The following ADCY5 variants were observed in gnomAD, a reference collection of about 807,000 sequenced individuals.
The protein encoded by ADCY5 is adenylate cyclase 5.
In ADCY5, 30 loss-of-function variants were observed where a neutral mutation model predicts 119.7. That is an observed-to-expected ratio of 0.25 (90% CI 0.19 to 0.34). ADCY5 has a LOEUF of 0.34. Ranked by LOEUF, ADCY5 falls within the 10% of genes least tolerant of loss-of-function variation. ADCY5 has a pLI of 1.00. For synonymous variants in ADCY5, 753 were observed against 762.2 expected (o/e 0.99, Z 0.20); for missense variants, 1,324 against 1,775.2 (o/e 0.75, Z 4.57).
At chr3:123,395,314 C>T (rs1189738021) in intron 1 of ADCY5, among the ~76,000 whole-genome samples, 1 of 152,192 alleles carries the variant, frequency 6.6e-6, no homozygotes, top group East Asian at 1.9e-4. Flanking sequence ...TACCTCCTCT[C>T]CCCTAAACAT....
intron 1 of ADCY5, among the ~76,000 whole-genome samples, chr3:123,432,801 A>T (rs1489363442): frequency 2.0e-5 from 3 of 152,192 alleles, no homozygotes; most frequent in Non-Finnish European, 4.4e-5. Context: ...TGCTGGGATT[A>T]TAGGTGTGAG....
chr3:123,297,318 C>T lies in ADCY5; in HGVS notation c.2930+35G>A, dbSNP rs200119508. ...CTCCCTGTCTGCTCTGTGCTGAGGGCAGGGAGCGACCCTATCCGAGGAGCA... is the reference window on the plus strand; with the variant it reads ...CTCCCTGTCTGCTCTGTGCTGAGGGTAGGGAGCGACCCTATCCGAGGAGCA... On this transcript the variant is annotated intron_variant, in intron 16 of 20. Transcript: ENST00000462833. The T allele has an allele frequency of 2.2e-4, 352 of 1,611,456 alleles. 1 individual carries two copies. The African/African-American group carries it at 4.3e-3, about 20-fold the overall frequency.
chr3:123,388,825 T>C (rs1944314276), intron 1 of ADCY5, among the ~76,000 whole-genome samples: 1 of 152,148 alleles, frequency 6.6e-6, no homozygotes, highest in South Asian at 2.1e-4. Flanking sequence ...ATGAGGGTCC[T>C]CTGTGAGATT....
chr3:123,363,546 G>A (rs567444479), intron 1 of ADCY5, among the ~76,000 whole-genome samples: 6 of 152,316 alleles, frequency 3.9e-5, no homozygotes, highest in East Asian at 1.9e-4. Flanking sequence ...CTTTATGTCC[G>A]AGGATGATTA....
At chr3:123,401,611 T>G (rs1311396143) in intron 1 of ADCY5, among the ~76,000 whole-genome samples, 1 of 152,056 alleles carries the variant, frequency 6.6e-6, no homozygotes, top group Non-Finnish European at 1.5e-5. Context: ...TTGGAACAAG[T>G]GGTGGAAAGG....
chr3:123,348,285 G>A (rs138511292), intron 2 of ADCY5, among the ~76,000 whole-genome samples: 52 of 152,156 alleles, frequency 3.4e-4, no homozygotes, highest in African/African-American at 9.6e-4. Context: ...CAGGTTGCTC[G>A]TCTGTAAAAT....
chr3:123,317,576 A>G (rs1338359655), intron 11 of ADCY5, among the ~76,000 whole-genome samples: 1 of 152,024 alleles, frequency 6.6e-6, no homozygotes, highest in East Asian at 1.9e-4. Context: ...CTCTACTAAA[A>G]TACAAAAAAC....
At chr3:123,443,234 C>G (rs1164030068) in intron 1 of ADCY5, among the ~76,000 whole-genome samples, 1 of 152,068 alleles carries the variant, frequency 6.6e-6, no homozygotes, top group African/African-American at 2.4e-5. Flanking sequence ...AAGAAAGGGA[C>G]TCCATGGAGT....
intron 1 of ADCY5, among the ~76,000 whole-genome samples, chr3:123,442,631 G>C (rs192144420): frequency 1.3e-5 from 2 of 152,194 alleles, no homozygotes; most frequent in Admixed American, 1.3e-4. Context: ...TGTTGCAGAC[G>C]AACATTTAGA....
chr3:123,309,596 A>G (rs907560407), intron 12 of ADCY5, among the ~76,000 whole-genome samples: 1 of 152,214 alleles, frequency 6.6e-6, no homozygotes, highest in East Asian at 1.9e-4. Flanking sequence ...GGCTCAGGAA[A>G]CACAGTTCCA....
intron 1 of ADCY5, among the ~76,000 whole-genome samples, chr3:123,440,643 C>A (rs528132209): frequency 6.6e-6 from 1 of 152,284 alleles, no homozygotes; most frequent in African/African-American, 2.4e-5. Flanking sequence ...TCCTCCACCC[C>A]CTGACTTCCT....
At chr3:123,405,990 G>A (rs1944887925) in intron 1 of ADCY5, among the ~76,000 whole-genome samples, 1 of 152,134 alleles carries the variant, frequency 6.6e-6, no homozygotes, top group Non-Finnish European at 1.5e-5. Context: ...GACCCTGGAG[G>A]GACCGACTGC....
At chr3:123,346,759 G>T (rs1942587333) in intron 3 of ADCY5, among the ~76,000 whole-genome samples, 1 of 152,066 alleles carries the variant, frequency 6.6e-6, no homozygotes, top group Admixed American at 6.5e-5. Context: ...AACCTCAGAG[G>T]ACTCGTGAGT....
At chr3:123,442,972 G>A (rs955383557) in intron 1 of ADCY5, among the ~76,000 whole-genome samples, 9 of 152,356 alleles carry the variant, frequency 5.9e-5, no homozygotes, top group African/African-American at 1.9e-4. Context: ...TGCTGCTGAA[G>A]TTCACTGCCA....
intron 1 of ADCY5, among the ~76,000 whole-genome samples, chr3:123,399,386 C>T (rs1944693118): frequency 6.6e-6 from 1 of 152,142 alleles, no homozygotes. Context: ...TTCTATTGGA[C>T]CATGGTCATC....
At chr3:123,309,960 G>A (rs1374429985) in intron 12 of ADCY5, among the ~76,000 whole-genome samples, 1 of 152,108 alleles carries the variant, frequency 6.6e-6, no homozygotes, top group African/African-American at 2.4e-5. Context: ...GAGAGGCTCT[G>A]TCAGTGACTG....
chr3:123,431,653 C>T (rs1005427106), intron 1 of ADCY5, among the ~76,000 whole-genome samples: 1 of 152,174 alleles, frequency 6.6e-6, no homozygotes, highest in Non-Finnish European at 1.5e-5. Context: ...AGCCATTTAT[C>T]CAGCCACATT....
chr3:123,400,217 C>G (rs1420400294), intron 1 of ADCY5, among the ~76,000 whole-genome samples: 4 of 152,180 alleles, frequency 2.6e-5, no homozygotes, highest in African/African-American at 9.7e-5. Flanking sequence ...CAAGTAACTG[C>G]ATGCCCTTGG....
At position 123,289,804 on chromosome 3, in the gene ADCY5, C is replaced by G. The variant is rs748412327; in HGVS notation, c.3478G>C (p.Asp1160His). 6 of 1,614,108 alleles carry G rather than the reference C, an allele frequency of 3.7e-6. No homozygotes were observed. Among genetic ancestry groups the G allele is most frequent in the Non-Finnish European group, 5.1e-6 (6 of 1,180,060 alleles). The stretch of plus-strand genomic sequence containing the variant: ...TGCTCATTGATGTACTTCATCTGGT[C>G]CATCAGCTTCATGGCAAAGTCGGCC... ...ALADFAMKLM[D>H]QMKYINEHSF... Residue 1160 changes from aspartate (D) to histidine (H), a missense_variant, in exon 19 of 21, where the codon GAC becomes CAC. Asp to His is a moderately conservative substitution (Grantham distance 81, BLOSUM62 -1). This residue lies in a region of ADCY5 where 178 missense variants were observed against 329.6 expected (regional missense o/e 0.54). Transcript: ENST00000462833.
Sources: allele counts gnomAD v4.1 joint callset (sites outside exome capture counted in the v4.1 genomes callset), GRCh38; gene constraint gnomAD v4.1.1; regional missense constraint gnomAD v4.1.1; transcripts MANE v1.5; gene names NCBI Gene and HGNC (gene_info 2026-07-23, HGNC 2026-07-21).